The following DAB2IP variants were observed in gnomAD, a reference collection of about 807,000 sequenced individuals.
DAB2IP encodes DAB2 interacting protein.
DAB2IP carries 28 observed loss-of-function variants against 107.2 expected under a neutral mutation model. That is an observed-to-expected ratio of 0.26 (90% confidence interval 0.19 to 0.36). The LOEUF (loss-of-function observed/expected upper bound fraction) is 0.36, where lower values mean the gene tolerates loss of function less well. Among genes scored for constraint, DAB2IP ranks in the 10% least tolerant of loss-of-function variants. The probability of loss-of-function intolerance (pLI) is 1.00; values close to 1 mark genes in which losing one functional copy is unlikely to be tolerated. For missense variants in DAB2IP, 1,400 were observed against 1,644.7 expected, an observed-to-expected ratio of 0.85 and a Z score of 2.57; for synonymous variants, 755 against 706.4, an observed-to-expected ratio of 1.07 and a Z score of -1.09.
intron 3 of DAB2IP, among the ~76,000 whole-genome samples, chr9:121,739,311 G>C (rs1360495901): frequency 2.6e-4 from 40 of 152,216 alleles, no homozygotes; most frequent in Non-Finnish European, 1.5e-5. Flanking sequence ...GTGTGGTGGG[G>C]GGCGTTGGGT....
intron 2 of DAB2IP, among the ~76,000 whole-genome samples, chr9:121,694,538 G>T (rs563158174): frequency 6.6e-6 from 1 of 152,122 alleles, no homozygotes; most frequent in African/African-American, 2.4e-5. Flanking sequence ...TGAGACAGTC[G>T]TTCAGGACCT....
chr9:121,734,026 C>T (rs1156316451), intron 3 of DAB2IP, among the ~76,000 whole-genome samples: 1 of 152,230 alleles, frequency 6.6e-6, no homozygotes, highest in African/African-American at 2.4e-5. Context: ...CTGAAATTCC[C>T]CCAGCTACAC....
rs868848538 is a variant in DAB2IP, at chr9:121,736,738, G to C, written c.363-20275G>C. Among the ~76,000 whole-genome samples, 6 of 152,334 alleles carry C rather than the reference G, an allele frequency of 3.9e-5. No homozygotes were observed. The Middle Eastern group carries it at 0.014, about 345-fold the overall frequency. The stretch of plus-strand genomic sequence containing the variant: ...GCCTTCCACTGCTCTGGCTGACCTG[G>C]CTCAGACCAGCTTGAAAAATGCATT... On this transcript the variant is annotated intron_variant, in intron 3 of 15. Transcript: ENST00000408936. This position sits in a 1 kb window ranked among gnomAD's most constrained non-coding sequence, Gnocchi z 4.6.
At chr9:121,638,126 G>A (rs1470390173) in intron 1 of DAB2IP, among the ~76,000 whole-genome samples, 2 of 152,070 alleles carry the variant, frequency 1.3e-5, no homozygotes, top group South Asian at 2.1e-4. Context: ...ATATGCAGTC[G>A]GCCCTCCGAA....
At position 121,632,746 on chromosome 9, in the gene DAB2IP, C is replaced by T. The variant is rs143988589; in HGVS notation, c.41-45932C>T. On this transcript the variant is annotated intron_variant, in intron 1 of 16. Transcript: ENST00000259371. Reference sequence around the variant, plus strand: ...AGGCCTCAGAGAGTGACACTGGGAGCTCCACTTGGGTTTCTAAGTCTCAGA... The same window carrying T: ...AGGCCTCAGAGAGTGACACTGGGAGTTCCACTTGGGTTTCTAAGTCTCAGA... Among the ~76,000 whole-genome samples, 683 of 152,354 alleles carry T rather than the reference C, an allele frequency of 4.5e-3. 4 individuals carry two copies. The highest frequency in any genetic ancestry group is 0.016 in the African/African-American group (653 of 41,578).
In DAB2IP at chr9:121,651,809, G is replaced by A. The variant is rs553951606; in HGVS notation, c.34G>A (p.Gly12Arg). 14 of 1,460,490 alleles carry A rather than the reference G, an allele frequency of 9.6e-6. No homozygotes were observed. In the Admixed American group the frequency reaches 2.0e-4, roughly 21 times the overall value. The allele number at this position is 1,460,490 out of a possible 1,614,324, so 90.5% of individuals were successfully genotyped here. The change falls in exon 1 of 16, where the codon GGG (glycine) becomes AGG (arginine). Residue 12 changes from glycine to arginine, a missense_variant. Physicochemically the swap from Gly to Arg is moderately radical, Grantham distance 125 (BLOSUM62 -2). Transcript: ENST00000408936. This position sits in a 1 kb window ranked among gnomAD's most constrained non-coding sequence, Gnocchi z 5.1. ...GGGCGGCAGCGCCAGGAAGAGCACCGGGAGGTCCTCCTACTACTACCGGCT... is the reference window on the plus strand; with the variant it reads ...GGGCGGCAGCGCCAGGAAGAGCACCAGGAGGTCCTCCTACTACTACCGGCT...
chr9:121,759,624 C>A (rs1315703958), intron 5 of DAB2IP, among the ~76,000 whole-genome samples: 1 of 152,184 alleles, frequency 6.6e-6, no homozygotes, highest in Non-Finnish European at 1.5e-5. Context: ...GGGGTTTTAC[C>A]TTAGTGCCGT....
At chr9:121,781,928 G>A (rs1299019850) in intron 15 of DAB2IP, among the ~76,000 whole-genome samples, 2 of 152,156 alleles carry the variant, frequency 1.3e-5, no homozygotes, top group Non-Finnish European at 2.9e-5. Context: ...AGACGTGAAA[G>A]GCTCTGTGGC....
At position 121,774,426 on chromosome 9, in the gene DAB2IP, C is replaced by G. The variant is rs754295667; in HGVS notation, c.3120+14C>G. On this transcript the variant is annotated intron_variant, in intron 13 of 15. Coordinates refer to ENST00000408936, the Ensembl canonical transcript of DAB2IP. ...CAAGCAGAAAAGGTAAAACTGGACC[C>G]TGGCGGCTCGGGACAGGGCGGGGCT... The G allele has an allele frequency of 1.1e-5, 18 of 1,603,660 alleles. No individual in the cohort carries two copies. Among genetic ancestry groups the G allele is most frequent in the Non-Finnish European group, 1.5e-5 (18 of 1,176,344 alleles).
intron 1 of DAB2IP, among the ~76,000 whole-genome samples, chr9:121,591,789 G>A (rs905295478): frequency 5.3e-5 from 8 of 152,216 alleles, no homozygotes; most frequent in Admixed American, 2.0e-4. Context: ...TGGCCTGGGT[G>A]TAGTTCAAGT....
chr9:121,758,849 C>T (rs1833673224), intron 4 of DAB2IP, 49 bp from the exon 5 acceptor site: 2 of 1,560,682 alleles, frequency 1.3e-6, no homozygotes, highest in Admixed American at 3.5e-5. Flanking sequence ...ACTGCCTGCC[C>T]TTGCTGTGGT....
At chr9:121,733,739 G>C (rs1259887641) in intron 3 of DAB2IP, among the ~76,000 whole-genome samples, 1 of 152,240 alleles carries the variant, frequency 6.6e-6, no homozygotes, top group East Asian at 1.9e-4. Context: ...GGGGGCAGTT[G>C]AGCTGGGCCT....
intron 4 of DAB2IP, among the ~76,000 whole-genome samples, chr9:121,757,955 GA>G (rs1307489412): frequency 6.6e-6 from 1 of 152,184 alleles, no homozygotes; most frequent in East Asian, 1.9e-4. Flanking sequence ...CAGCCCTGGG[GA>G]AAAAACAGAA....
At chr9:121,577,870 G>C (rs1208491621) in intron 1 of DAB2IP, among the ~76,000 whole-genome samples, 5 of 152,194 alleles carry the variant, frequency 3.3e-5, no homozygotes, top group Non-Finnish European at 7.4e-5. Context: ...GCAGGCACCA[G>C]GCTCTAGGCC....
intron 1 of DAB2IP, among the ~76,000 whole-genome samples, chr9:121,668,323 T>C (rs1340566781): frequency 6.6e-6 from 1 of 151,294 alleles, no homozygotes; most frequent in Non-Finnish European, 1.5e-5. Flanking sequence ...CTGCAACCTC[T>C]GCCTCCCGGG....
exon 12 of DAB2IP, chr9:121,773,487 C>T: frequency 1.3e-6 from 2 of 1,508,068 alleles, no homozygotes; most frequent in East Asian, 4.6e-5. Flanking sequence ...ACGGGCAGTG[C>T]ACAAGCAGGT....
Position 121,699,314 on chromosome 9 carries a change from C to T in DAB2IP, c.229-11C>T, listed in dbSNP as rs1394376712. Reference sequence around the variant, plus strand: ...CGCCTCCCCTTCCCCCTCTTGTCCCCCCGTGCGCAGGGCTTCCTCAGCCGC... The same window carrying T: ...CGCCTCCCCTTCCCCCTCTTGTCCCTCCGTGCGCAGGGCTTCCTCAGCCGC... On this transcript the variant is annotated splice_polypyrimidine_tract_variant and intron_variant, in intron 2 of 15. Coordinates refer to ENST00000408936, the Ensembl canonical transcript of DAB2IP. This position sits in a 1 kb window ranked among gnomAD's most constrained non-coding sequence, Gnocchi z 6.2. The T allele has an allele frequency of 2.1e-6, 3 of 1,441,830 alleles. No individual in the cohort carries two copies. Among genetic ancestry groups the T allele is most frequent in the South Asian group, 2.6e-5 (2 of 75,534 alleles). 89.3% of individuals were successfully genotyped at this position (1,441,830 alleles called of 1,614,324 possible). A position where few individuals can be genotyped will look rare whatever the true frequency, so the allele number is the denominator to read the frequency against.
At chr9:121,621,920 G>T (rs113042728) in intron 1 of DAB2IP, among the ~76,000 whole-genome samples, 5 of 146,384 alleles carry the variant, frequency 3.4e-5, no homozygotes, top group African/African-American at 1.0e-4. Context: ...CTCCCAAAGT[G>T]TTGGGATTAC....
intron 1 of DAB2IP, among the ~76,000 whole-genome samples, chr9:121,653,709 T>A (rs745790147): frequency 9.9e-5 from 15 of 150,852 alleles, no homozygotes; most frequent in Non-Finnish European, 2.1e-4. Context: ...GTTCCATCCC[T>A]GACTGTAATG....
Sources: gnomAD v4.1 joint callset for allele counts (sites outside exome capture counted in the v4.1 genomes callset) on GRCh38, gnomAD v4.1.1 for gene constraint, Gnocchi (gnomAD v3.1) non-coding constraint, MANE v1.5 for transcripts, NCBI Gene and HGNC (gene_info 2026-07-23, HGNC 2026-07-21) for gene names.